AGMO: variants seen among roughly 807,000 people sequenced by gnomAD.
AGMO encodes the protein glyceryl-ether monooxygenase.
In AGMO, 75 loss-of-function variants were observed where a neutral mutation model predicts 60.2. That is an observed-to-expected ratio of 1.25 (90% CI 1.03 to 1.51). The LOEUF is 1.51. Ranked by LOEUF, AGMO falls within the 40% of genes most tolerant of loss-of-function variation. The pLI, the probability that AGMO is intolerant of heterozygous loss-of-function variation, is 0.00. For missense variants in AGMO, 763 were observed against 525.5 expected, an observed-to-expected ratio of 1.45 and a Z score of -4.42; for synonymous variants, 261 against 177.1, an observed-to-expected ratio of 1.47 and a Z score of -3.76.
the AGMO span, among the ~76,000 whole-genome samples, chr7:15,164,209 T>C: frequency 1.3e-5 from 2 of 151,936 alleles, no homozygotes; most frequent in Non-Finnish European, 2.9e-5. Context: ...AGAATGAGCT[T>C]GACCCCTATC....
intron 12 of AGMO, among the ~76,000 whole-genome samples, chr7:15,302,543 T>C (rs961014741): frequency 6.6e-6 from 1 of 152,126 alleles, no homozygotes; most frequent in Non-Finnish European, 1.5e-5. Flanking sequence ...AATGCAAAGG[T>C]TCCTTAAAGA....
chr7:15,531,096 T>C lies in AGMO; in HGVS notation c.409+13676A>G, dbSNP rs1216926835. ...CTATATATATTCTATATATATATTC[T>C]ATATATATTCTATATATATTCTATA... On this transcript the variant is annotated intron_variant, in intron 3 of 12. Transcript: ENST00000342526. Among the ~76,000 whole-genome samples the C allele has an allele frequency of 9.8e-4, 47 of 48,074 alleles. 2 individuals are homozygous for C. In the East Asian group the frequency reaches 0.012, roughly 13 times the overall value. 31.5% of individuals were successfully genotyped at this position (48,074 alleles called of 152,430 possible). A position where few individuals can be genotyped will look rare whatever the true frequency, so the allele number is the denominator to read the frequency against.
At chr7:15,306,428 C>A (rs959315454) in intron 12 of AGMO, 2 of 441,248 alleles carry the variant, frequency 4.5e-6, no homozygotes, top group Non-Finnish European at 9.2e-6. Context: ...TGGTAGAGAA[C>A]TGGATAATAG....
intron 2 of AGMO, among the ~76,000 whole-genome samples, chr7:15,555,290 TATACAC>T (rs1216143787): frequency 0.014 from 1,487 of 103,452 alleles, 19 homozygotes; most frequent in East Asian, 0.076. Context: ...TATATATATA[TATACAC>T]ACACACACAC....
chr7:15,407,536 A>C (rs1038745074), intron 5 of AGMO, among the ~76,000 whole-genome samples: 1 of 151,674 alleles, frequency 6.6e-6, no homozygotes, highest in Non-Finnish European at 1.5e-5. Context: ...AATAAAATAC[A>C]TTTTAGATAT....
chr7:15,359,388 G>A (rs534677167), intron 12 of AGMO, among the ~76,000 whole-genome samples: 1 of 151,184 alleles, frequency 6.6e-6, no homozygotes, highest in Non-Finnish European at 1.5e-5. Context: ...TATGCTTTGG[G>A]TGTTTCTAAT....
chr7:15,386,193 G>GA (rs1481923888), intron 9 of AGMO, among the ~76,000 whole-genome samples: 2 of 69,868 alleles, frequency 2.9e-5, no homozygotes, highest in South Asian at 7.0e-4. Flanking sequence ...GAAAAGAAAA[G>GA]AAAAAAAAGG....
chr7:15,542,442 A>T (rs146838163), intron 3 of AGMO, among the ~76,000 whole-genome samples: 1 of 152,216 alleles, frequency 6.6e-6, no homozygotes, highest in Non-Finnish European at 1.5e-5. Context: ...GAACACTTAT[A>T]ATCAACATAT....
intron 2 of AGMO, among the ~76,000 whole-genome samples, chr7:15,554,334 C>T (rs943741590): frequency 6.6e-5 from 10 of 151,986 alleles, no homozygotes; most frequent in Non-Finnish European, 8.8e-5. Context: ...TACTTTATCA[C>T]ATGAAGATGG....
chr7:15,332,915 CATG>C (rs1436182663), intron 12 of AGMO, among the ~76,000 whole-genome samples: 1 of 152,094 alleles, frequency 6.6e-6, no homozygotes. Flanking sequence ...GTATACATTT[CATG>C]ATGCTTCCTG....
At chr7:15,150,146 T>C in the AGMO span, among the ~76,000 whole-genome samples, 1 of 152,094 alleles carries the variant, frequency 6.6e-6, no homozygotes, top group Non-Finnish European at 1.5e-5. Flanking sequence ...GATTTTTCTA[T>C]ATTTATTTTG....
rs571036751 is a variant in AGMO at position 15,318,467 on chromosome 7, T to A, written c.1263+47047A>T. On this transcript the variant is annotated intron_variant, in intron 12 of 12. Coordinates refer to ENST00000342526, the MANE Select transcript of AGMO (RefSeq NM_001004320.2). Reference sequence around the variant, plus strand: ...AAATGGATCAGTTTAAAGATAAAAATGTCTTACTGATCTTGAAATCCTAAT... The same window carrying A: ...AAATGGATCAGTTTAAAGATAAAAAAGTCTTACTGATCTTGAAATCCTAAT... Among the ~76,000 whole-genome samples, 5 of 152,288 alleles carry A rather than the reference T, an allele frequency of 3.3e-5. No individual in the cohort carries two copies. In the South Asian group the frequency reaches 1.0e-3, roughly 32 times the overall value.
At chr7:15,237,089 T>A (rs1467876342) in intron 12 of AGMO, among the ~76,000 whole-genome samples, 4 of 152,154 alleles carry the variant, frequency 2.6e-5, no homozygotes, top group African/African-American at 9.7e-5. Context: ...GTCTCAAATG[T>A]GCTTTGTAAC....
At chr7:15,360,023 T>C (rs1212874220) in intron 12 of AGMO, among the ~76,000 whole-genome samples, 1 of 152,206 alleles carries the variant, frequency 6.6e-6, no homozygotes, top group African/African-American at 2.4e-5. Context: ...GGAGTGGTAA[T>C]GTTAGTTGTA....
intron 3 of AGMO, among the ~76,000 whole-genome samples, chr7:15,473,390 T>G (rs879024309): frequency 2.6e-5 from 4 of 151,974 alleles, no homozygotes; most frequent in Admixed American, 2.6e-4. Context: ...CCTCCTTAAC[T>G]CATTTTATGA....
intron 12 of AGMO, among the ~76,000 whole-genome samples, chr7:15,275,300 C>A (rs1783750377): frequency 6.6e-6 from 1 of 151,722 alleles, no homozygotes; most frequent in Admixed American, 6.6e-5. Flanking sequence ...CTTTCTTTAC[C>A]CAAAATTCAA....
chr7:15,145,977 C>T, the AGMO span, among the ~76,000 whole-genome samples: 19 of 152,028 alleles, frequency 1.2e-4, no homozygotes, highest in East Asian at 3.8e-4. Context: ...AAAATGTTTA[C>T]GCAATTATGT....
chr7:15,204,430 T>C (rs902832015), intron 12 of AGMO, among the ~76,000 whole-genome samples: 3 of 152,214 alleles, frequency 2.0e-5, no homozygotes, highest in Non-Finnish European at 4.4e-5. Flanking sequence ...CTACTTAGGC[T>C]AGTGAAAGAA....
intron 10 of AGMO, among the ~76,000 whole-genome samples, chr7:15,371,255 C>T (rs1167007067): frequency 6.6e-6 from 1 of 152,060 alleles, no homozygotes; most frequent in East Asian, 1.9e-4. Flanking sequence ...GTTTTACTCC[C>T]ATCACTCAGG....
Sources: allele counts gnomAD v4.1 joint callset (sites outside exome capture counted in the v4.1 genomes callset), GRCh38; gene constraint gnomAD v4.1.1; transcripts MANE v1.5; gene names NCBI Gene and HGNC (gene_info 2026-07-23, HGNC 2026-07-21).